RAG1: variants seen among roughly 807,000 people sequenced by gnomAD.
RAG1 encodes recombination activating 1, also known as V(D)J recombination-activating protein 1.
In RAG1, 35 loss-of-function variants were observed where a neutral mutation model predicts 62.7. That is an observed-to-expected ratio of 0.56 (90% CI 0.43 to 0.74). The LOEUF (loss-of-function observed/expected upper bound fraction) is 0.74. RAG1 is among the 30% of genes least tolerant of loss of function. The pLI is 0.00. For missense variants in RAG1, 1,169 were observed against 1,278.6 expected (o/e 0.91, Z 1.31); for synonymous variants, 461 against 470.3 (o/e 0.98, Z 0.26).
At chr11:36,570,359 A>G (rs370096914) in intron 1 of RAG1, among the ~76,000 whole-genome samples, 1 of 152,212 alleles carries the variant, frequency 6.6e-6, no homozygotes. Flanking sequence ...CTAATTGAAT[A>G]GATAAAAAAT....
At chr11:36,521,510 A>G (rs964381870) in intron 2 of RAG1, among the ~76,000 whole-genome samples, 10 of 152,204 alleles carry the variant, frequency 6.6e-5, no homozygotes, top group African/African-American at 2.2e-4. Context: ...TGTGAGTCCA[A>G]TAAACCTCCT....
intron 2 of RAG1, among the ~76,000 whole-genome samples, chr11:36,531,061 T>A (rs77262517): frequency 3.8e-3 from 1 of 260 alleles, no homozygotes. Flanking sequence ...AGATTAAGGG[T>A]TTTTTTTTGC....
At chr11:36,515,655 G>A (rs964188098) in intron 1 of RAG1, 3 of 152,774 alleles carry the variant, frequency 2.0e-5, no homozygotes, top group Admixed American at 6.5e-5. Context: ...GCAGTGGGAG[G>A]GGGTGACAAA....
At chr11:36,527,264 G>A (rs1042928788) in intron 2 of RAG1, among the ~76,000 whole-genome samples, 4 of 152,134 alleles carry the variant, frequency 2.6e-5, no homozygotes, top group African/African-American at 9.7e-5. Flanking sequence ...TTTTGTATAA[G>A]GTGTAAGGAA....
chr11:36,526,318 G>GT (rs1860162287), intron 2 of RAG1, among the ~76,000 whole-genome samples: 2 of 143,052 alleles, frequency 1.4e-5, no homozygotes, highest in African/African-American at 5.2e-5. Context: ...CCAATTATGA[G>GT]TGAGGATATG....
At chr11:36,573,189 T>A (rs1033486703) in intron 1 of RAG1, 102 bp from the exon 2 acceptor site, 39 of 1,162,086 alleles carry the variant, frequency 3.4e-5, no homozygotes, top group Non-Finnish European at 4.5e-5. Context: ...TCTTTTGGAA[T>A]ACATGAATAA....
chr11:36,566,883 G>A (rs919613663), upstream of RAG1, among the ~76,000 whole-genome samples: 6 of 152,190 alleles, frequency 3.9e-5, no homozygotes, highest in African/African-American at 7.2e-5. Flanking sequence ...GAGGAGCGTC[G>A]AATGAGGGCA....
rs1323627915 is a variant in RAG1, at chr11:36,576,687, G to A, written c.*251G>A. ...TCTGAAAGCTCAGTAACTCAGAACA[G>A]GAGTAACTGCAGGGGACCAGAGATG... On this transcript the variant is annotated 3_prime_UTR_variant, in exon 2 of 2. Transcript: ENST00000299440. 2 of 526,212 alleles carry A rather than the reference G, an allele frequency of 3.8e-6. No homozygotes were observed. Among genetic ancestry groups the A allele is most frequent in the Non-Finnish European group, 7.1e-6 (2 of 282,396 alleles). The allele number at this position is 526,212 out of a possible 1,614,324, so 32.6% of individuals were successfully genotyped here. A position where few individuals can be genotyped will look rare whatever the true frequency, so the allele number is the denominator to read the frequency against.
chr11:36,544,430 G>A (rs910457568), intron 3 of RAG1, among the ~76,000 whole-genome samples: 3 of 152,152 alleles, frequency 2.0e-5, no homozygotes, highest in African/African-American at 4.8e-5. Flanking sequence ...AAATTGAAAT[G>A]GTACCAGAGG....
At chr11:36,513,074 G>C (rs1201242273) in intron 1 of RAG1, among the ~76,000 whole-genome samples, 2 of 152,114 alleles carry the variant, frequency 1.3e-5, no homozygotes, top group Admixed American at 6.6e-5. Flanking sequence ...CTGGGAGTAG[G>C]TTCCTTATAA....
intron 2 of RAG1, among the ~76,000 whole-genome samples, chr11:36,520,462 G>A (rs1860061334): frequency 6.6e-6 from 1 of 152,080 alleles, no homozygotes; most frequent in Non-Finnish European, 1.5e-5. Context: ...ATTTTTGGAA[G>A]AGACGGGGTT....
At chr11:36,523,200 C>G (rs1444317333) in intron 2 of RAG1, among the ~76,000 whole-genome samples, 1 of 152,186 alleles carries the variant, frequency 6.6e-6, no homozygotes, top group Non-Finnish European at 1.5e-5. Context: ...CAAACCTCAT[C>G]TTGTATCTCC....
At position 36,544,584 on chromosome 11, in the gene RAG1, G is replaced by A. The variant is rs908640598; in HGVS notation, c.-412+8550G>A. On this transcript the variant is annotated intron_variant and NMD_transcript_variant, in intron 3 of 9. Coordinates refer to the RAG1 transcript ENST00000534663. ...ATTTTCCCTCTCTTTTCACCCAAAT[G>A]ATGTCATGTACATTGTTCTGTATCC... Among the ~76,000 whole-genome samples, 11 of 152,286 alleles carry A rather than the reference G, an allele frequency of 7.2e-5. No individual in the cohort carries two copies. In the South Asian group the frequency reaches 2.3e-3, roughly 32 times the overall value.
At chr11:36,572,125 G>A (rs1388839104) in intron 1 of RAG1, among the ~76,000 whole-genome samples, 3 of 152,146 alleles carry the variant, frequency 2.0e-5, no homozygotes, top group African/African-American at 7.2e-5. Flanking sequence ...GATTTTGTTA[G>A]TTGATCAATT....
In RAG1 at chr11:36,573,555, A is replaced by C; in HGVS notation, c.251A>C (p.His84Pro). The C allele has an allele frequency of 6.2e-7, 1 of 1,614,088 alleles. No homozygotes were observed. Among genetic ancestry groups the C allele is most frequent in the Non-Finnish European group, 8.5e-7 (1 of 1,180,002 alleles). Residue 84 changes from histidine to proline, a missense_variant, in exon 2 of 2, where the codon CAC (histidine) becomes CCC (proline). Transcript: ENST00000299440. ...PVPTQPLLKA[H>P]PKFSKKFHDN... is the part of the protein sequence containing the mutation. ...CCAACTCAGCCATTGTTAAAAGCCC[A>C]CCCTAAGTTTTCAAAGAAATTTCAC...
chr11:36,521,216 C>T (rs1860075088), intron 2 of RAG1, among the ~76,000 whole-genome samples: 1 of 152,082 alleles, frequency 6.6e-6, no homozygotes, highest in Non-Finnish European at 1.5e-5. Flanking sequence ...TCCTCAGCCT[C>T]CCAAAGTGCT....
At chr11:36,533,120 C>T (rs1860279208) in intron 2 of RAG1, among the ~76,000 whole-genome samples, 1 of 152,126 alleles carries the variant, frequency 6.6e-6, no homozygotes, top group South Asian at 2.1e-4. Context: ...CTAGCCACAA[C>T]AACCTCGGTT....
At chr11:36,546,481 G>A (rs1850395450) in intron 3 of RAG1, among the ~76,000 whole-genome samples, 1 of 152,110 alleles carries the variant, frequency 6.6e-6, no homozygotes, top group African/African-American at 2.4e-5. Flanking sequence ...CTTTGCACAT[G>A]AGATGGGTCT....
chr11:36,548,644 C>T (rs1564982100), intron 3 of RAG1, among the ~76,000 whole-genome samples: 1 of 152,196 alleles, frequency 6.6e-6, no homozygotes, highest in Non-Finnish European at 1.5e-5. Context: ...AATGGCAAAA[C>T]ATTCCATGCT....
Sources: gnomAD v4.1 joint callset for allele counts (sites outside exome capture counted in the v4.1 genomes callset) on GRCh38, gnomAD v4.1.1 for gene constraint, MANE v1.5 for transcripts, NCBI Gene and HGNC (gene_info 2026-07-23, HGNC 2026-07-21) for gene names.